The following SPEG variants were observed in gnomAD, a reference collection of about 807,000 sequenced individuals.
SPEG encodes the protein striated muscle enriched protein kinase, also known as striated muscle preferentially expressed protein kinase.
A neutral mutation model predicts 300.4 loss-of-function variants in SPEG; 114 were observed. The observed-to-expected ratio is 0.38, with a 90% CI of 0.33 to 0.44. The LOEUF (loss-of-function observed/expected upper bound fraction) is 0.44. SPEG is among the 20% of genes least tolerant of loss of function. The pLI is 1.00. For synonymous variants in SPEG, 1,964 were observed against 2,018.9 expected, an observed-to-expected ratio of 0.97 and a Z score of 0.73; for missense variants, 4,201 against 4,586.2, an observed-to-expected ratio of 0.92 and a Z score of 2.43.
intron 15 of SPEG, 139 bp from the exon 16 acceptor site, chr2:219,472,751 G>A (rs915102006): frequency 5.9e-6 from 4 of 678,812 alleles, no homozygotes; most frequent in Non-Finnish European, 9.8e-6. Context: ...CAGATGGGGG[G>A]ACAGGCAGGA....
chr2:219,445,235 T>C lies in SPEG; in HGVS notation c.815+74T>C. The C allele has an allele frequency of 7.3e-7, 1 of 1,372,750 alleles. No homozygotes were observed. The highest frequency in any genetic ancestry group is 1.0e-6 in the Non-Finnish European group (1 of 987,242). The allele number at this position is 1,372,750 out of a possible 1,614,324, so 85.0% of individuals were successfully genotyped here. On this transcript the variant is annotated intron_variant, in intron 3 of 40. Coordinates refer to ENST00000312358, the MANE Select transcript of SPEG (RefSeq NM_005876.5). The surrounding 1 kb of genome is among the most constrained non-coding windows in gnomAD (Gnocchi z 6.1). ...GTCCTGCGCTGCCCTCACTGCTCAG[T>C]CAGCCTCCACCCATCACCCTGCCCC... is the stretch of plus-strand genomic sequence containing the variant.
rs555867355 is a variant in SPEG, at chr2:219,458,414, A to G, written c.2441-3468A>G. Among the ~76,000 whole-genome samples, 199 of 151,640 alleles carry G rather than the reference A, an allele frequency of 1.3e-3. 2 individuals are homozygous for G. The highest frequency in any genetic ancestry group is 3.4e-3 in the Middle Eastern group (1 of 294). On this transcript the variant is annotated intron_variant, in intron 6 of 40. Transcript: ENST00000312358. This position sits in a 1 kb window ranked among gnomAD's most constrained non-coding sequence, Gnocchi z 4.2. ...GCAGTTTCTTTTTTTTTTTTTCCCAATAAGCGTTTTGCACTCTTAAGAAAT... is the reference window on the plus strand; with the variant it reads ...GCAGTTTCTTTTTTTTTTTTTCCCAGTAAGCGTTTTGCACTCTTAAGAAAT...
At position 219,451,867 on chromosome 2, in the gene SPEG, A is replaced by G; in HGVS notation, c.2440+60A>G. On this transcript the variant is annotated intron_variant, in intron 6 of 40. Transcript: ENST00000312358. The surrounding 1 kb of genome is among the most constrained non-coding windows in gnomAD (Gnocchi z 6.4). ...GCAAGCCGTGACTCTCCCCTGGCCC[A>G]GGCCCCAGTCCACCTCCCTTCCCAC... The G allele has an allele frequency of 6.9e-7, 1 of 1,445,592 alleles. No individual in the cohort carries two copies. Among genetic ancestry groups the G allele is most frequent in the Non-Finnish European group, 9.2e-7 (1 of 1,085,210 alleles). 89.5% of individuals were successfully genotyped at this position (1,445,592 alleles called of 1,614,324 possible). A position where few individuals can be genotyped will look rare whatever the true frequency, so the allele number is the denominator to read the frequency against.
chr2:219,435,743 CA>C (rs886930347), intron 1 of SPEG, among the ~76,000 whole-genome samples: 1 of 152,244 alleles, frequency 6.6e-6, no homozygotes, highest in Non-Finnish European at 1.5e-5. Flanking sequence ...ACACTCCGAT[CA>C]GCTCCTTAAC....
Position 219,464,716 on chromosome 2 carries a change from C to G in SPEG, c.2881+108C>G. On this transcript the variant is annotated intron_variant, in intron 9 of 40. Transcript: ENST00000312358. This position sits in a 1 kb window ranked among gnomAD's most constrained non-coding sequence, Gnocchi z 4.5. Reference sequence around the variant, plus strand: ...TAGAGGATGCCACCACTGAAAGGGCCTTAAGGGGCCCCTAGTCCAGCTGCT... The same window carrying G: ...TAGAGGATGCCACCACTGAAAGGGCGTTAAGGGGCCCCTAGTCCAGCTGCT... 1 of 1,173,914 alleles carries G rather than the reference C, an allele frequency of 8.5e-7. No homozygotes were observed. Among genetic ancestry groups the G allele is most frequent in the South Asian group, 1.5e-5 (1 of 67,106 alleles). 72.7% of individuals were successfully genotyped at this position (1,173,914 alleles called of 1,614,324 possible). A position where few individuals can be genotyped will look rare whatever the true frequency, so the allele number is the denominator to read the frequency against.
Position 219,493,566 on chromosome 2 carries a change from C to A in SPEG, c.*780C>A. 4.3e-6 allele frequency: 2 copies of A among 465,594 alleles called. No homozygotes were observed. Among genetic ancestry groups the A allele is most frequent in the Admixed American group, 2.3e-5 (1 of 44,342 alleles). 28.8% of individuals were successfully genotyped at this position (465,594 alleles called of 1,614,324 possible). The stretch of plus-strand genomic sequence containing the variant: ...TCCCTACTGCCCATGTTGTCCTGAC[C>A]ATCCCTCCCAGCCATCCAGCTGTCT... On this transcript the variant is annotated 3_prime_UTR_variant, in exon 41 of 41. Transcript: ENST00000312358.
At chr2:219,487,378 CA>C (rs1224048120) in intron 31 of SPEG, among the ~76,000 whole-genome samples, 1 of 152,222 alleles carries the variant, frequency 6.6e-6, no homozygotes, top group Non-Finnish European at 1.5e-5. Flanking sequence ...AAAATGATAA[CA>C]ACAAGAGAAG....
intron 13 of SPEG, among the ~76,000 whole-genome samples, chr2:219,469,725 A>G (rs1691705556): frequency 6.6e-6 from 1 of 152,168 alleles, no homozygotes; most frequent in African/African-American, 2.4e-5. Context: ...CAGTTAATGC[A>G]TATAAGCCCC....
chr2:219,455,836 C>T (rs1249872853), intron 6 of SPEG, among the ~76,000 whole-genome samples: 2 of 152,192 alleles, frequency 1.3e-5, no homozygotes, highest in Non-Finnish European at 2.9e-5. Context: ...GCTTCCCCAC[C>T]GTGCGCCCCG....
At chr2:219,452,550 G>A (rs1689844858) in intron 6 of SPEG, among the ~76,000 whole-genome samples, 1 of 152,060 alleles carries the variant, frequency 6.6e-6, no homozygotes, top group Non-Finnish European at 1.5e-5. Flanking sequence ...TATTACAGAA[G>A]GAAAACACAC....
chr2:219,465,886 C>T, intron 9 of SPEG: 1 of 635,504 alleles, frequency 1.6e-6, no homozygotes, highest in East Asian at 2.8e-5. Flanking sequence ...CGTGCGTGTG[C>T]ATGTGTGCGT....
rs752363741 is a variant in SPEG at position 219,477,924 on chromosome 2, C to A, written c.4846C>A (p.Arg1616=). ...EIGRGAFSYL[R]RIVERSSGLE... The stretch of plus-strand genomic sequence containing the variant: ...AACCAGGGGTGCTTTCTCCTACTTG[C>A]GGCGCATAGTGGAGCGTAGCTCCGG... The change falls in exon 22 of 41, where the codon CGG becomes AGG. Residue 1616 remains arginine, a synonymous_variant. Transcript: ENST00000312358. This position sits in a 1 kb window ranked among gnomAD's most constrained non-coding sequence, Gnocchi z 6.4. The A allele has an allele frequency of 1.9e-6, 3 of 1,613,972 alleles. No homozygotes were observed. The highest frequency in any genetic ancestry group is 2.2e-5 in the East Asian group (1 of 44,902).
Position 219,471,885 on chromosome 2 carries a change from T to C in SPEG, c.3733T>C (p.Leu1245=), listed in dbSNP as rs1290608624. ...RMTQYRDVHR[L]VFPAVGPQHA... ...CCTCCCAGACAGGGATGTCCATCGC[T>C]TGGTGTTCCCTGCCGTGGGGCCTCA... The change falls in exon 14 of 41, where the codon TTG becomes CTG. Residue 1245 remains leucine (L), a synonymous_variant. Coordinates refer to ENST00000312358, the MANE Select transcript of SPEG (RefSeq NM_005876.5). The C allele has an allele frequency of 6.2e-7, 1 of 1,614,054 alleles. No individual in the cohort carries two copies. The highest frequency in any genetic ancestry group is 1.1e-5 in the South Asian group (1 of 91,084).
chr2:219,441,498 A>T lies in SPEG; in HGVS notation c.389-3155A>T, dbSNP rs1218733801. 5 of 468,878 alleles carry T rather than the reference A, an allele frequency of 1.1e-5. No individual in the cohort carries two copies. The East Asian group carries it at 3.5e-4, about 33-fold the overall frequency. The allele number at this position is 468,878 out of a possible 1,614,324, so 29.0% of individuals were successfully genotyped here. A position where few individuals can be genotyped will look rare whatever the true frequency, so the allele number is the denominator to read the frequency against. On this transcript the variant is annotated intron_variant, in intron 1 of 40. Transcript: ENST00000312358. ...CCACCCGGCGCTGTGCCCTTCGGCG[A>T]GTTCGGTTCTGCCTGGCACAGTGTG...
intron 9 of SPEG, chr2:219,465,857 G>C: frequency 1.6e-6 from 1 of 618,446 alleles, no homozygotes; most frequent in Non-Finnish European, 2.9e-6. Flanking sequence ...GCATGTGTGT[G>C]CATGTGTGTG....
chr2:219,456,943 A>C (rs1690238145), intron 6 of SPEG, among the ~76,000 whole-genome samples: 1 of 50,932 alleles, frequency 2.0e-5, no homozygotes, highest in South Asian at 7.0e-4. Flanking sequence ...AAAGAAAAAA[A>C]AGAAAAGAAA....
chr2:219,474,244 G>A (rs1028741500), intron 18 of SPEG: 7 of 188,514 alleles, frequency 3.7e-5, no homozygotes, highest in Non-Finnish European at 5.6e-5. Flanking sequence ...TGGGTGTGGC[G>A]GCAGGTGCCT....
In SPEG at chr2:219,490,713, C is replaced by T. The variant is rs917583672; in HGVS notation, c.9162-20C>T. ...GGGAGGCTGGGCCGGGTATCATCTG[C>T]TCCATCCCTGCCCTCCCAGGTTCCG... is the stretch of plus-strand genomic sequence containing the variant. On this transcript the variant is annotated intron_variant, in intron 37 of 40. Transcript: ENST00000312358. 6.2e-7 allele frequency: 1 copy of T among 1,613,602 alleles called. No homozygotes were observed. The highest frequency in any genetic ancestry group is 1.7e-5 in the Admixed American group (1 of 60,026).
intron 6 of SPEG, among the ~76,000 whole-genome samples, chr2:219,452,091 A>G (rs1031686771): frequency 2.6e-5 from 4 of 152,210 alleles, no homozygotes; most frequent in African/African-American, 9.6e-5. Flanking sequence ...CCATCCTCCC[A>G]TGGCATTTCC....
Sources: gnomAD v4.1 joint callset for allele counts (sites outside exome capture counted in the v4.1 genomes callset) on GRCh38, gnomAD v4.1.1 for gene constraint, Gnocchi (gnomAD v3.1) non-coding constraint, MANE v1.5 for transcripts, NCBI Gene and HGNC (gene_info 2026-07-23, HGNC 2026-07-21) for gene names.